UTRN: variants seen among roughly 807,000 people sequenced by gnomAD.
The protein encoded by UTRN is dystrophin-related protein 1.
Under a neutral mutation model 463.9 loss-of-function variants are expected in UTRN, and 283 were observed. That is an observed-to-expected ratio of 0.61 (90% CI 0.55 to 0.67). The LOEUF (loss-of-function observed/expected upper bound fraction) is 0.67. Among genes scored for constraint, UTRN ranks in the 30% least tolerant of loss-of-function variants. The probability of loss-of-function intolerance (pLI) is 0.00; values close to 1 mark genes in which losing one functional copy is unlikely to be tolerated. For synonymous variants in UTRN, 1,442 were observed against 1,431.5 expected (o/e 1.01, Z -0.17); for missense variants, 3,922 against 4,084.3 (o/e 0.96, Z 1.08).
At chr6:144,708,835 A>G (rs956431294) in intron 53 of UTRN, among the ~76,000 whole-genome samples, 1 of 152,180 alleles carries the variant, frequency 6.6e-6, no homozygotes, top group South Asian at 2.1e-4. Context: ...CTGGGCTCAC[A>G]GTTCCAGAGG....
At chr6:144,838,991 C>A (rs1277031245) in intron 71 of UTRN, 182 bp from the exon 72 acceptor site, 4 of 514,248 alleles carry the variant, frequency 7.8e-6, no homozygotes, top group Non-Finnish European at 1.0e-5. Flanking sequence ...GGTGTCCAAG[C>A]GGAAAGAGAA....
intron 51 of UTRN, among the ~76,000 whole-genome samples, chr6:144,627,111 G>A (rs1052841745): frequency 1.3e-5 from 2 of 151,664 alleles, no homozygotes; most frequent in Non-Finnish European, 2.9e-5. Flanking sequence ...GCAGATGGGG[G>A]GTTAGGGGGC....
Position 144,736,558 on chromosome 6 carries a change from T to C in UTRN, c.7939+6072T>C, listed in dbSNP as rs544438040. Among the ~76,000 whole-genome samples, 22 of 152,346 alleles carry C rather than the reference T, an allele frequency of 1.4e-4. No homozygotes were observed. The South Asian group carries it at 4.3e-3, about 30-fold the overall frequency. ...ATTAATTGACCATTCCACATTAGTT[T>C]CCTCCATACCAATCTTATGCTAGGC... is the stretch of plus-strand genomic sequence containing the variant. On this transcript the variant is annotated intron_variant, in intron 54 of 74. Coordinates refer to ENST00000367545, the MANE Select transcript of UTRN (RefSeq NM_007124.3).
At chr6:144,602,879 A>G (rs762029763) in intron 51 of UTRN, among the ~76,000 whole-genome samples, 12 of 152,224 alleles carry the variant, frequency 7.9e-5, no homozygotes, top group Non-Finnish European at 1.6e-4. Flanking sequence ...TTTCTTAGAC[A>G]TAATGCTATT....
intron 2 of UTRN, among the ~76,000 whole-genome samples, chr6:144,358,321 C>T (rs893528208): frequency 1.3e-5 from 2 of 152,072 alleles, no homozygotes; most frequent in African/African-American, 4.8e-5. Flanking sequence ...AGTGTGTATA[C>T]ACACACACAT....
chr6:144,308,638 G>A (rs1463697119), intron 2 of UTRN, among the ~76,000 whole-genome samples: 1 of 151,982 alleles, frequency 6.6e-6, no homozygotes, highest in African/African-American at 2.4e-5. Context: ...AAACCAAAGA[G>A]GAATCCAGAA....
chr6:144,412,795 A>G (rs748082813), intron 3 of UTRN, among the ~76,000 whole-genome samples: 30 of 151,078 alleles, frequency 2.0e-4, no homozygotes, highest in Non-Finnish European at 3.8e-4. Flanking sequence ...ACACACAGTA[A>G]ACAATGGGAC....
chr6:144,336,460 T>C (rs1045023743), intron 2 of UTRN, among the ~76,000 whole-genome samples: 2 of 152,170 alleles, frequency 1.3e-5, no homozygotes, highest in Admixed American at 1.3e-4. Flanking sequence ...CATAGGCTGG[T>C]GGCCCTGTAG....
At chr6:144,816,134 A>G (rs1779055377) in intron 65 of UTRN, among the ~76,000 whole-genome samples, 1 of 152,212 alleles carries the variant, frequency 6.6e-6, no homozygotes, top group Non-Finnish European at 1.5e-5. Flanking sequence ...AGCTGTACCA[A>G]AAATAGACAT....
Position 144,628,282 on chromosome 6 carries a change from G to T in UTRN, c.7480-50124G>T, listed in dbSNP as rs180899252. Among the ~76,000 whole-genome samples, 20 of 152,230 alleles carry T rather than the reference G, an allele frequency of 1.3e-4. No individual in the cohort carries two copies. The East Asian group carries it at 3.7e-3, about 28-fold the overall frequency. On this transcript the variant is annotated intron_variant, in intron 51 of 74. Coordinates refer to ENST00000367545, the MANE Select transcript of UTRN (RefSeq NM_007124.3). The stretch of plus-strand genomic sequence containing the variant: ...TCTTTGGGGTCTATATAAACATGAC[G>T]TTTTAATCAGATATTTTATTCACCT...
chr6:144,702,079 A>T lies in UTRN; in HGVS notation c.7809+1836A>T, dbSNP rs371127127. On this transcript the variant is annotated intron_variant, in intron 53 of 74. Coordinates refer to ENST00000367545, the MANE Select transcript of UTRN (RefSeq NM_007124.3). Reference sequence around the variant, plus strand: ...TGTGGGTTACAGTATTAGGGATGAAACAGAATAACACAAAGCTCTTCTAAT... The same window carrying T: ...TGTGGGTTACAGTATTAGGGATGAATCAGAATAACACAAAGCTCTTCTAAT... Among the ~76,000 whole-genome samples the T allele has an allele frequency of 2.6e-5, 4 of 152,352 alleles. No individual in the cohort carries two copies. In the East Asian group the frequency reaches 7.7e-4, roughly 29 times the overall value.
chr6:144,560,450 C>T (rs901727372), intron 50 of UTRN, among the ~76,000 whole-genome samples: 1 of 152,072 alleles, frequency 6.6e-6, no homozygotes, highest in African/African-American at 2.4e-5. Flanking sequence ...CACTCCAGTA[C>T]GTGGCCATCA....
chr6:144,460,892 T>A (rs1258303267), intron 21 of UTRN, among the ~76,000 whole-genome samples: 1 of 152,326 alleles, frequency 6.6e-6, no homozygotes, highest in East Asian at 1.9e-4. Flanking sequence ...GAAGAGGAGA[T>A]TATATGGAAC....
At chr6:144,485,883 CAG>C (rs1420751617) in intron 28 of UTRN, among the ~76,000 whole-genome samples, 1 of 152,178 alleles carries the variant, frequency 6.6e-6, no homozygotes, top group Non-Finnish European at 1.5e-5. Flanking sequence ...TCACTAAACA[CAG>C]CACTGACAGT....
chr6:144,458,930 G>C lies in UTRN; in HGVS notation c.2445G>C (p.Lys815Asn). The change falls in exon 20 of 75, where the codon AAG (lysine) becomes AAC (asparagine). Residue 815 changes from lysine to asparagine, a missense_variant. This residue lies in a region of UTRN where 2,349 missense variants were observed against 2,303.8 expected (regional missense o/e 1.02). Coordinates refer to ENST00000367545, the MANE Select transcript of UTRN (RefSeq NM_007124.3). ...TTGATGAGCTTGAAAAGGTCATCAA[G>C]ACAAAGGAGGAGTGGGTAAAACACA... is the stretch of plus-strand genomic sequence containing the variant. ...KQLDELEKVI[K>N]TKEEWVKHTS... 6.2e-7 allele frequency: 1 copy of C among 1,613,902 alleles called. No homozygotes were observed.
chr6:144,745,981 T>C (rs527963288), intron 54 of UTRN, among the ~76,000 whole-genome samples: 3 of 151,346 alleles, frequency 2.0e-5, no homozygotes, highest in Admixed American at 6.6e-5. Context: ...ATAAGTATTA[T>C]ATATTCATCA....
intron 21 of UTRN, among the ~76,000 whole-genome samples, 167 bp downstream of exon 21, chr6:144,459,521 TC>T (rs2128560529): frequency 6.6e-6 from 1 of 152,332 alleles, no homozygotes; most frequent in South Asian, 2.1e-4. Flanking sequence ...CAGATTCTTT[TC>T]CAGATTCACA....
intron 64 of UTRN, among the ~76,000 whole-genome samples, chr6:144,798,892 CCACCA>C (rs1212852717): frequency 6.6e-6 from 1 of 152,222 alleles, no homozygotes; most frequent in South Asian, 2.1e-4. Context: ...CAGGTGCATG[CCACCA>C]CACCCAGCTA....
At chr6:144,757,407 T>G (rs912189397) in intron 57 of UTRN, among the ~76,000 whole-genome samples, 4 of 152,048 alleles carry the variant, frequency 2.6e-5, no homozygotes, top group Non-Finnish European at 5.9e-5. Context: ...ACTTTTTGCC[T>G]ATTTTTAAAT....
Sources: gnomAD v4.1 joint callset for allele counts (sites outside exome capture counted in the v4.1 genomes callset) on GRCh38, gnomAD v4.1.1 for gene constraint, gnomAD v4.1.1 regional missense constraint, MANE v1.5 for transcripts, NCBI Gene and HGNC (gene_info 2026-07-23, HGNC 2026-07-21) for gene names.